The following DENND1B variants were observed in gnomAD, a reference collection of about 807,000 sequenced individuals.
DENND1B encodes the protein DENN domain-containing protein 1B.
A neutral mutation model predicts 90.1 loss-of-function variants in DENND1B; 59 were observed. The observed-to-expected ratio is 0.65, with a 90% confidence interval of 0.53 to 0.81. DENND1B has a LOEUF of 0.81. DENND1B is among the 40% of genes least tolerant of loss of function. DENND1B has a pLI of 0.00. For synonymous variants in DENND1B, 337 were observed against 324.6 expected, an observed-to-expected ratio of 1.04 and a Z score of -0.41; for missense variants, 862 against 912.6, an observed-to-expected ratio of 0.94 and a Z score of 0.71.
chr1:197,679,413 A>C (rs887921417), intron 3 of DENND1B, among the ~76,000 whole-genome samples: 20 of 151,606 alleles, frequency 1.3e-4, no homozygotes, highest in Non-Finnish European at 4.4e-5. Flanking sequence ...CTATTAATAG[A>C]GCATTTACAC....
At chr1:197,650,419 A>T (rs1652998477) in intron 7 of DENND1B, among the ~76,000 whole-genome samples, 1 of 152,170 alleles carries the variant, frequency 6.6e-6, no homozygotes. Flanking sequence ...TGCTGGTGGG[A>T]ATGCAAACTA....
chr1:197,765,247 G>A (rs914535978), intron 2 of DENND1B, among the ~76,000 whole-genome samples: 2 of 152,124 alleles, frequency 1.3e-5, no homozygotes, highest in African/African-American at 4.8e-5. Flanking sequence ...ATTACTACTT[G>A]AGATAAATCA....
chr1:197,653,806 T>C (rs1653507568), intron 6 of DENND1B, among the ~76,000 whole-genome samples: 1 of 152,036 alleles, frequency 6.6e-6, no homozygotes, highest in South Asian at 2.1e-4. Context: ...AGTTACTAAA[T>C]AAAGGAAAAG....
chr1:197,706,365 G>A (rs979237147), intron 3 of DENND1B, among the ~76,000 whole-genome samples: 5 of 152,092 alleles, frequency 3.3e-5, no homozygotes, highest in Non-Finnish European at 5.9e-5. Context: ...AGGATGTTGC[G>A]TTGGGCAAAG....
intron 3 of DENND1B, among the ~76,000 whole-genome samples, chr1:197,688,258 C>T (rs1035104152): frequency 2.0e-5 from 3 of 152,084 alleles, no homozygotes; most frequent in African/African-American, 4.8e-5. Context: ...AAGCAATCTA[C>T]AGATTCAATG....
At chr1:197,772,504 A>G (rs1269807599) in intron 2 of DENND1B, among the ~76,000 whole-genome samples, 1 of 152,178 alleles carries the variant, frequency 6.6e-6, no homozygotes, top group Non-Finnish European at 1.5e-5. Flanking sequence ...ACTTGCTTTG[A>G]CAGATTCAAT....
intron 10 of DENND1B, among the ~76,000 whole-genome samples, chr1:197,641,033 C>T (rs1008197344): frequency 2.6e-5 from 4 of 152,236 alleles, no homozygotes; most frequent in African/African-American, 7.2e-5. Context: ...TGTAAACCCA[C>T]TCACTTTATC....
chr1:197,582,102 T>G (rs190644905), intron 15 of DENND1B, among the ~76,000 whole-genome samples: 10 of 152,282 alleles, frequency 6.6e-5, no homozygotes, highest in Admixed American at 6.5e-4. Flanking sequence ...TCCATGCTCC[T>G]TAAGTTTGTG....
At chr1:197,744,305 A>G (rs1387202912) in intron 2 of DENND1B, among the ~76,000 whole-genome samples, 1 of 152,210 alleles carries the variant, frequency 6.6e-6, no homozygotes, top group Non-Finnish European at 1.5e-5. Flanking sequence ...TAGGGCATCT[A>G]TAGCCTTTCA....
chr1:197,552,451 T>C (rs1490725245), intron 16 of DENND1B: 4 of 985,112 alleles, frequency 4.1e-6, no homozygotes, highest in African/African-American at 1.7e-5. Flanking sequence ...TAGATAATTA[T>C]AACAGTATTT....
chr1:197,599,370 G>T (rs993977824), intron 13 of DENND1B, among the ~76,000 whole-genome samples: 1 of 151,600 alleles, frequency 6.6e-6, no homozygotes, highest in Admixed American at 6.6e-5. Flanking sequence ...TACTTTTAAT[G>T]ATCACAAAGA....
rs1034388406 is a variant in DENND1B at position 197,770,119 on chromosome 1, G to T, written c.82+2749C>A. 1.3e-5 allele frequency among the ~76,000 whole-genome samples: 2 copies of T among 152,062 alleles called. 1 individual carries two copies. The highest frequency in any genetic ancestry group is 4.1e-4 in the South Asian group (2 of 4,824). ...TTTAAGTCATAATAAAAGAAGAAAGGTTACTGCTGCTTACATGGCTGAGTT... is the reference window on the plus strand; with the variant it reads ...TTTAAGTCATAATAAAAGAAGAAAGTTTACTGCTGCTTACATGGCTGAGTT... On this transcript the variant is annotated intron_variant, in intron 2 of 22. Coordinates refer to ENST00000620048, the MANE Select transcript of DENND1B (RefSeq NM_001195215.2).
At chr1:197,546,055 A>C in intron 17 of DENND1B, 65 bp from the exon 18 acceptor site, 1 of 1,355,418 alleles carries the variant, frequency 7.4e-7, no homozygotes, top group Non-Finnish European at 1.0e-6. Context: ...AAAACAAAGT[A>C]TTACAGTAAG....
chr1:197,548,684 A>C (rs1012890010), intron 16 of DENND1B, among the ~76,000 whole-genome samples: 2 of 152,064 alleles, frequency 1.3e-5, no homozygotes, highest in Non-Finnish European at 2.9e-5. Context: ...AACTCCCTCT[A>C]AGACTGCTAA....
At chr1:197,551,593 G>T (rs554649075) in intron 16 of DENND1B, among the ~76,000 whole-genome samples, 9 of 152,122 alleles carry the variant, frequency 5.9e-5, no homozygotes, top group African/African-American at 2.2e-4. Context: ...GAGGTACCTG[G>T]ACCAATGGTT....
At chr1:197,548,737 T>C (rs1457683903) in intron 16 of DENND1B, among the ~76,000 whole-genome samples, 5 of 152,092 alleles carry the variant, frequency 3.3e-5, no homozygotes, top group African/African-American at 1.2e-4. Flanking sequence ...GTTTCCTCTG[T>C]ATCACACCCA....
At chr1:197,630,011 G>T (rs909854678) in intron 10 of DENND1B, among the ~76,000 whole-genome samples, 2 of 151,866 alleles carry the variant, frequency 1.3e-5, no homozygotes, top group African/African-American at 4.8e-5. Flanking sequence ...ATACCACTAC[G>T]CACCTATTAG....
At chr1:197,718,670 A>C (rs1378262923) in intron 2 of DENND1B, among the ~76,000 whole-genome samples, 3 of 152,128 alleles carry the variant, frequency 2.0e-5, no homozygotes, top group African/African-American at 4.8e-5. Flanking sequence ...CTTCAAAAGG[A>C]AAGGACATAA....
intron 5 of DENND1B, among the ~76,000 whole-genome samples, chr1:197,669,313 A>T (rs1294351626): frequency 6.6e-6 from 1 of 152,084 alleles, no homozygotes. Flanking sequence ...ACAATTTTAA[A>T]GCTAAAAGTG....
Sources: allele counts gnomAD v4.1 joint callset (sites outside exome capture counted in the v4.1 genomes callset), GRCh38; gene constraint gnomAD v4.1.1; transcripts MANE v1.5; gene names NCBI Gene and HGNC (gene_info 2026-07-23, HGNC 2026-07-21).